The following TSNAXIP1 variants were observed in gnomAD, a reference collection of about 807,000 sequenced individuals.
TSNAXIP1 encodes translin associated factor X interacting protein 1, also known as translin-associated factor X-interacting protein 1.
A neutral mutation model predicts 84.8 loss-of-function variants in TSNAXIP1; 89 were observed. That is an observed-to-expected ratio of 1.05 (90% CI 0.88 to 1.25). TSNAXIP1 has a LOEUF of 1.25. Among genes scored for constraint, TSNAXIP1 ranks in the 50% most tolerant of loss-of-function variants. The pLI is 0.00. For missense variants in TSNAXIP1, 874 were observed against 887.6 expected, an observed-to-expected ratio of 0.98 and a Z score of 0.20; for synonymous variants, 347 against 335.2, an observed-to-expected ratio of 1.04 and a Z score of -0.39.
chr16:67,817,502 C>G (rs1277108641), intron 2 of TSNAXIP1, among the ~76,000 whole-genome samples: 1 of 141,662 alleles, frequency 7.1e-6, no homozygotes. Context: ...GGATGGTCTC[C>G]GTCTCCTGAC....
At position 67,826,967 on chromosome 16, in the gene TSNAXIP1, G is replaced by A. The variant is rs777973500; in HGVS notation, c.1559G>A (p.Ser520Asn). The A allele has an allele frequency of 1.9e-6, 3 of 1,614,174 alleles. No individual in the cohort carries two copies. Among genetic ancestry groups the A allele is most frequent in the East Asian group, 4.5e-5 (2 of 44,880 alleles). The change falls in exon 13 of 16, where the codon AGT becomes AAT. Residue 520 changes from serine (S) to asparagine (N), a missense_variant. By Grantham distance (46) the Ser-to-Asn change is conservative (BLOSUM62 1). Coordinates refer to ENST00000561639, the MANE Select transcript of TSNAXIP1 (RefSeq NM_001288990.3). ...QFYAVLMGKR[S>N]ENVYVTQKET... is the part of the protein sequence containing the mutation. ...ATAATGCTTCTCTCCTTATAGCGGA[G>A]TGAGAATGTGTATGTCACCCAGAAG...
At chr16:67,815,515 G>T (rs932998825) in intron 2 of TSNAXIP1, among the ~76,000 whole-genome samples, 1 of 151,774 alleles carries the variant, frequency 6.6e-6, no homozygotes, top group African/African-American at 2.4e-5. Flanking sequence ...TTTTTGGCAG[G>T]GGGGGACAGA....
rs2057485948 is a variant in TSNAXIP1, at chr16:67,826,736, C to T, written c.1446C>T (p.Arg482=). The change falls in exon 12 of 16, where the codon CGC becomes CGT. Residue 482 remains arginine, a synonymous_variant. Coordinates refer to ENST00000561639, the MANE Select transcript of TSNAXIP1 (RefSeq NM_001288990.3). ...PDFFFNFLEH[R]FGPSDAMAWA... ...TCTTCTTCAATTTCCTGGAGCATCG[C>T]TTTGGGCCCAGTGATGCCATGGCCT... The T allele has an allele frequency of 1.2e-6, 2 of 1,614,102 alleles. No individual in the cohort carries two copies. The highest frequency in any genetic ancestry group is 2.2e-5 in the South Asian group (2 of 91,078).
At position 67,827,043 on chromosome 16, in the gene TSNAXIP1, C is replaced by T. The variant is rs145202002; in HGVS notation, c.1635C>T (p.Asn545=). Residue 545 remains asparagine, a synonymous_variant, in exon 13 of 16, where the codon AAC becomes AAT. Transcript: ENST00000561639. The part of the protein sequence containing the change: ...LKEMTNADSQ[N]EGLLTMEQFN... ...AGATGACAAATGCTGACAGTCAGAA[C>T]GAGGGGCTACTAACCATGGAGCAGT... 20 of 1,614,010 alleles carry T rather than the reference C, an allele frequency of 1.2e-5. No individual in the cohort carries two copies. The highest frequency in any genetic ancestry group is 1.0e-4 in the Admixed American group (6 of 60,008).
intron 6 of TSNAXIP1, 57 bp downstream of exon 6, chr16:67,824,836 C>T: frequency 6.5e-7 from 1 of 1,550,246 alleles, no homozygotes; most frequent in African/African-American, 1.4e-5. Context: ...AACTCCACGA[C>T]AAGGGTGACC....
At position 67,820,960 on chromosome 16, in the gene TSNAXIP1, G is replaced by C. The variant is rs765319912; in HGVS notation, c.260+9G>C. On this transcript the variant is annotated intron_variant, in intron 3 of 15. Transcript: ENST00000561639. ...TACCGGAAGCGAGTAGGGTAAGCCA[G>C]GGTCAGTCCCATGGTGGGTGAGCTG... The C allele has an allele frequency of 8.8e-6, 14 of 1,592,986 alleles. No individual in the cohort carries two copies. Among genetic ancestry groups the C allele is most frequent in the Middle Eastern group, 1.7e-4 (1 of 5,958 alleles).
rs2057018483 is a variant in TSNAXIP1, at chr16:67,821,139, T to G, written c.301T>G (p.Tyr101Asp). 1 of 1,612,588 alleles carries G rather than the reference T, an allele frequency of 6.2e-7. No individual in the cohort carries two copies. The highest frequency in any genetic ancestry group is 8.5e-7 in the Non-Finnish European group (1 of 1,179,514). ...QHPFRTAKPQ[Y>D]LEELENYLRK... ...CCCCTTTCGCACTGCCAAGCCCCAG[T>G]ACTTGGAGGAACTGGAAAACTACCT... Residue 101 changes from tyrosine to aspartate, a missense_variant, in exon 4 of 16, where the codon TAC becomes GAC. Physicochemically the swap from Tyr to Asp is radical, Grantham distance 160. Coordinates refer to ENST00000561639, the MANE Select transcript of TSNAXIP1 (RefSeq NM_001288990.3).
intron 1 of TSNAXIP1, among the ~76,000 whole-genome samples, chr16:67,808,850 G>C: frequency 6.6e-6 from 1 of 152,020 alleles, no homozygotes; most frequent in Non-Finnish European, 1.5e-5. Flanking sequence ...CTATGAAAAG[G>C]ATATGAAGCA....
At position 67,807,147 on chromosome 16, in the gene TSNAXIP1, G is replaced by C; in HGVS notation, c.-3G>C. 1 of 1,535,436 alleles carries C rather than the reference G, an allele frequency of 6.5e-7. No homozygotes were observed. On this transcript the variant is annotated 5_prime_UTR_variant, in exon 1 of 16. Transcript: ENST00000561639. ...GTGCTGATTGCCCGCCTGCCCGTGG[G>C]TCATGGCCTGCCAGCAGTCGCGGTA...
intron 2 of TSNAXIP1, among the ~76,000 whole-genome samples, chr16:67,815,816 T>C (rs189208166): frequency 6.6e-6 from 1 of 151,634 alleles, no homozygotes; most frequent in Non-Finnish European, 1.5e-5. Flanking sequence ...GTTTTTTTTT[T>C]TGAGATGGGG....
chr16:67,824,301 G>A (rs1268489267), intron 5 of TSNAXIP1, among the ~76,000 whole-genome samples: 1 of 152,122 alleles, frequency 6.6e-6, no homozygotes, highest in Non-Finnish European at 1.5e-5. Context: ...GAGTCAGCAG[G>A]CTCCCCTGCC....
At chr16:67,809,727 C>T (rs2055869216) in intron 1 of TSNAXIP1, among the ~76,000 whole-genome samples, 1 of 151,966 alleles carries the variant, frequency 6.6e-6, no homozygotes, top group East Asian at 1.9e-4. Flanking sequence ...GTGGGTACAT[C>T]ATTTGGGGTC....
intron 2 of TSNAXIP1, among the ~76,000 whole-genome samples, chr16:67,818,531 AAAAT>A (rs1188958290): frequency 6.6e-6 from 1 of 151,948 alleles, no homozygotes; most frequent in Non-Finnish European, 1.5e-5. Flanking sequence ...AAAAAAATAA[AAAAT>A]AAACTCCCAG....
At chr16:67,817,125 C>A (rs1216091923) in intron 2 of TSNAXIP1, among the ~76,000 whole-genome samples, 1 of 151,524 alleles carries the variant, frequency 6.6e-6, no homozygotes. Context: ...GTCACCACAC[C>A]TGGCTAATTT....
At chr16:67,817,974 G>A (rs573089505) in intron 2 of TSNAXIP1, among the ~76,000 whole-genome samples, 1 of 152,228 alleles carries the variant, frequency 6.6e-6, no homozygotes, top group South Asian at 2.1e-4. Context: ...ATTTTGGGAG[G>A]CTGAGGTGGG....
intron 1 of TSNAXIP1, among the ~76,000 whole-genome samples, chr16:67,810,304 C>T (rs967505074): frequency 2.0e-5 from 3 of 152,134 alleles, no homozygotes; most frequent in Non-Finnish European, 4.4e-5. Flanking sequence ...CCTGACAAAC[C>T]CACTGCCTAC....
In TSNAXIP1 at chr16:67,824,780, G is replaced by A. The variant is rs1443546998; in HGVS notation, c.678+1G>A. On this transcript the variant is annotated splice_donor_variant, in intron 6 of 15. Coordinates refer to ENST00000561639, the MANE Select transcript of TSNAXIP1 (RefSeq NM_001288990.3). LOFTEE classifies it high-confidence loss of function. ...GGAGAAGATTTCATTGCAGAGCGAG[G>A]TGAATGGAAGTGGTGTGATGATGAC... 2 of 1,612,834 alleles carry A rather than the reference G, an allele frequency of 1.2e-6. No homozygotes were observed. Among genetic ancestry groups the A allele is most frequent in the African/African-American group, 2.7e-5 (2 of 74,896 alleles).
At chr16:67,825,438 G>C in intron 7 of TSNAXIP1, 166 bp downstream of exon 7, 1 of 1,187,232 alleles carries the variant, frequency 8.4e-7, no homozygotes, top group Non-Finnish European at 1.2e-6. Flanking sequence ...CTTCTGAGTT[G>C]AACTGAGAAT....
rs1162375778 is a variant in TSNAXIP1 at position 67,819,815 on chromosome 16, A to ATTTTTT, written c.148-1007_148-1002dup. Among the ~76,000 whole-genome samples the ATTTTTT allele has an allele frequency of 5.8e-3, 598 of 102,610 alleles. 28 individuals are homozygous for ATTTTTT. Among genetic ancestry groups the ATTTTTT allele is most frequent in the Non-Finnish European group, 9.5e-3 (489 of 51,558 alleles). The allele number at this position is 102,610 out of a possible 152,430, so 67.3% of individuals were successfully genotyped here. On this transcript the variant is annotated intron_variant, in intron 2 of 15. Transcript: ENST00000561639. ...AGCACATGCCACCACACCTGGCTAA[A>ATTTTTT]TTTTTTTTTTTTTTTTTTTTTTGAG...
Sources: gnomAD v4.1 joint callset for allele counts (sites outside exome capture counted in the v4.1 genomes callset) on GRCh38, gnomAD v4.1.1 for gene constraint, MANE v1.5 for transcripts, NCBI Gene and HGNC (gene_info 2026-07-23, HGNC 2026-07-21) for gene names.